Variants in B4GALT5 observed in about 807,000 individuals in gnomAD.
The protein encoded by B4GALT5 is beta-1,4-galactosyltransferase 5.
A neutral mutation model predicts 45.0 loss-of-function variants in B4GALT5; 11 were observed. The observed-to-expected ratio is 0.24, with a 90% CI of 0.15 to 0.40. The LOEUF (loss-of-function observed/expected upper bound fraction) is 0.40. Among genes scored for constraint, B4GALT5 ranks in the 10% least tolerant of loss-of-function variants. The pLI is 1.00. For missense variants in B4GALT5, 337 were observed against 500.2 expected (o/e 0.67, Z 3.11); for synonymous variants, 185 against 182.9 (o/e 1.01, Z -0.09).
chr20:49,670,791 G>A (rs752769548), intron 1 of B4GALT5, among the ~76,000 whole-genome samples: 14 of 152,136 alleles, frequency 9.2e-5, no homozygotes, highest in Non-Finnish European at 1.3e-4. Flanking sequence ...ACACCTTGTT[G>A]ATGGAAACAA....
intron 1 of B4GALT5, among the ~76,000 whole-genome samples, chr20:49,693,953 C>T (rs1360836694): frequency 6.6e-6 from 1 of 152,170 alleles, no homozygotes; most frequent in Non-Finnish European, 1.5e-5. Context: ...TTAATCTCTG[C>T]ACCTGGAAGA....
intron 1 of B4GALT5, among the ~76,000 whole-genome samples, chr20:49,658,048 A>G (rs2085650492): frequency 6.6e-6 from 1 of 152,206 alleles, no homozygotes; most frequent in Admixed American, 6.5e-5. Flanking sequence ...AAAAAGGACC[A>G]GTGTTCAGAA....
At chr20:49,678,100 T>C (rs1275034017) in intron 1 of B4GALT5, among the ~76,000 whole-genome samples, 6 of 152,322 alleles carry the variant, frequency 3.9e-5, no homozygotes. Context: ...ATGTTCCACC[T>C]TAGGACAAAC....
In B4GALT5 at chr20:49,687,214, C is replaced by A. The variant is rs769019415; in HGVS notation, c.115+26362G>T. ...CCTCAACAACAAAGCAGCATGTCAA[C>A]AGTGCCAAGGTTGAGAAACTCTGCC... On this transcript the variant is annotated intron_variant, in intron 1 of 8. Coordinates refer to ENST00000371711, the MANE Select transcript of B4GALT5 (RefSeq NM_004776.4). 5.8e-4 allele frequency among the ~76,000 whole-genome samples: 88 copies of A among 152,226 alleles called. 1 individual carries two copies. Among genetic ancestry groups the A allele is most frequent in the Non-Finnish European group, 2.5e-4 (17 of 68,048 alleles).
intron 1 of B4GALT5, among the ~76,000 whole-genome samples, chr20:49,689,486 T>C (rs1047688635): frequency 2.6e-5 from 4 of 152,196 alleles, no homozygotes; most frequent in African/African-American, 7.2e-5. Context: ...TTTTAAACCG[T>C]TTTATTATGA....
chr20:49,669,379 T>C (rs2085705928), intron 1 of B4GALT5, among the ~76,000 whole-genome samples: 1 of 152,176 alleles, frequency 6.6e-6, no homozygotes, highest in African/African-American at 2.4e-5. Context: ...TTCTGATAAA[T>C]AGTAGGCATT....
rs1185947601 is a variant in B4GALT5, at chr20:49,640,657, G to A, written c.615C>T (p.Thr205=). ...AAAGCATGGCTCGATTAAAGGGTTG[G>A]GTACCAACCTAAAAGAAACAGAACT... ...FAFYVVEQVG[T]QPFNRAMLFN... The change falls in exon 6 of 9, where the codon ACC becomes ACT. Residue 205 remains threonine (T), a synonymous_variant. Coordinates refer to ENST00000371711, the MANE Select transcript of B4GALT5 (RefSeq NM_004776.4). 2 of 1,598,336 alleles carry A rather than the reference G, an allele frequency of 1.3e-6. No individual in the cohort carries two copies.
At chr20:49,701,675 C>A (rs1247248878) in intron 1 of B4GALT5, among the ~76,000 whole-genome samples, 1 of 152,054 alleles carries the variant, frequency 6.6e-6, no homozygotes, top group Non-Finnish European at 1.5e-5. Flanking sequence ...AAAAAAACAC[C>A]CACAATACCA....
intron 2 of B4GALT5, among the ~76,000 whole-genome samples, chr20:49,654,669 A>G (rs1322155944): frequency 1.3e-5 from 2 of 152,358 alleles, no homozygotes; most frequent in East Asian, 3.9e-4. Context: ...CGCATTTGCA[A>G]CATTTGCAAA....
intron 1 of B4GALT5, among the ~76,000 whole-genome samples, chr20:49,706,423 C>T (rs1044004979): frequency 3.3e-5 from 5 of 152,100 alleles, no homozygotes; most frequent in African/African-American, 1.2e-4. Context: ...CAACTTTGGG[C>T]AAGTTAATGA....
At chr20:49,645,320 T>C (rs1027302066) in intron 3 of B4GALT5, among the ~76,000 whole-genome samples, 2 of 152,226 alleles carry the variant, frequency 1.3e-5, no homozygotes, top group African/African-American at 4.8e-5. Context: ...TATACGGTGG[T>C]TGCATAAGAT....
chr20:49,695,464 C>T (rs941234548), intron 1 of B4GALT5, among the ~76,000 whole-genome samples: 3 of 150,630 alleles, frequency 2.0e-5, no homozygotes, highest in Non-Finnish European at 4.4e-5. Flanking sequence ...CAAGCTGGAG[C>T]GCAATGGCGC....
intron 1 of B4GALT5, among the ~76,000 whole-genome samples, chr20:49,660,001 TC>T (rs1165184455): frequency 2.0e-5 from 3 of 151,962 alleles, no homozygotes; most frequent in Admixed American, 2.0e-4. Context: ...GCTGGCCCAG[TC>T]ACTTTTGCCC....
chr20:49,658,510 T>C (rs1409536918), intron 1 of B4GALT5, among the ~76,000 whole-genome samples: 1 of 152,238 alleles, frequency 6.6e-6, no homozygotes, highest in East Asian at 1.9e-4. Flanking sequence ...AAAGCTTTTA[T>C]TGTATTTATT....
At chr20:49,693,970 A>C (rs1600553389) in intron 1 of B4GALT5, among the ~76,000 whole-genome samples, 4 of 152,322 alleles carry the variant, frequency 2.6e-5, no homozygotes. Context: ...AAGATAACTC[A>C]AAGTGACAGG....
rs531378263 is a variant in B4GALT5 at position 49,635,897 on chromosome 20, G to C, written c.*415C>G. 5.0e-5 allele frequency: 8 copies of C among 159,106 alleles called. No homozygotes were observed. Among genetic ancestry groups the C allele is most frequent in the African/African-American group, 1.9e-4 (8 of 41,700 alleles). The allele number at this position is 159,106 out of a possible 1,614,324, so 9.9% of individuals were successfully genotyped here. A position where few individuals can be genotyped will look rare whatever the true frequency, so the allele number is the denominator to read the frequency against. On this transcript the variant is annotated 3_prime_UTR_variant, in exon 9 of 9. Transcript: ENST00000371711. The stretch of plus-strand genomic sequence containing the variant: ...AACGCAGCTGCCCTGTGGTGGGTTT[G>C]CCTCTGCTCTGAAGGCCAAGAGGCT...
intron 2 of B4GALT5, among the ~76,000 whole-genome samples, chr20:49,651,791 A>C (rs1568718638): frequency 6.6e-6 from 1 of 151,966 alleles, no homozygotes; most frequent in Non-Finnish European, 1.5e-5. Flanking sequence ...AAAAATCCTA[A>C]CACCAGGCCG....
intron 1 of B4GALT5, among the ~76,000 whole-genome samples, chr20:49,689,680 GTTAA>G (rs1568731148): frequency 6.6e-6 from 1 of 152,116 alleles, no homozygotes; most frequent in Non-Finnish European, 1.5e-5. Flanking sequence ...CAACATGCAT[GTTAA>G]TTAATTAGAT....
At chr20:49,683,604 C>T (rs1034206819) in intron 1 of B4GALT5, among the ~76,000 whole-genome samples, 11 of 151,408 alleles carry the variant, frequency 7.3e-5, no homozygotes, top group African/African-American at 2.4e-4. Context: ...TGTTGGCCAG[C>T]GTGGTCTTGA....
Sources: allele counts gnomAD v4.1 joint callset (sites outside exome capture counted in the v4.1 genomes callset), GRCh38; gene constraint gnomAD v4.1.1; transcripts MANE v1.5; gene names NCBI Gene and HGNC (gene_info 2026-07-23, HGNC 2026-07-21).